ZNF438: variants seen among roughly 807,000 people sequenced by gnomAD.
The protein encoded by ZNF438 is zinc finger protein 438.
Under a neutral mutation model 38.0 loss-of-function variants are expected in ZNF438, and 25 were observed. That is an observed-to-expected ratio of 0.66 (90% confidence interval 0.48 to 0.92). The LOEUF (loss-of-function observed/expected upper bound fraction) is 0.92, where lower values mean the gene tolerates loss of function less well. Ranked by LOEUF, ZNF438 falls within the 40% of genes least tolerant of loss-of-function variation. The pLI is 0.00. For synonymous variants in ZNF438, 372 were observed against 364.1 expected (o/e 1.02, Z -0.25); for missense variants, 1,007 against 999.6 (o/e 1.01, Z -0.10).
chr10:30,889,401 C>T (rs540295714), intron 3 of ZNF438, among the ~76,000 whole-genome samples: 9 of 152,236 alleles, frequency 5.9e-5, no homozygotes, highest in Admixed American at 2.0e-4. Context: ...AAATACTCCC[C>T]TCCCCTCTTC....
At chr10:30,901,603 A>T (rs1456338162) in intron 3 of ZNF438, among the ~76,000 whole-genome samples, 1 of 152,100 alleles carries the variant, frequency 6.6e-6, no homozygotes, top group African/African-American at 2.4e-5. Flanking sequence ...AAGGGGTCTG[A>T]TGGTACTCAC....
At chr10:30,925,448 A>G (rs76541830) in intron 2 of ZNF438, among the ~76,000 whole-genome samples, 12,325 of 152,336 alleles carry the variant, frequency 0.081, 583 homozygotes, top group Non-Finnish European at 0.11. Context: ...AAAAGAATGT[A>G]TAATACAAAG....
chr10:30,852,604 C>T (rs1348832959), intron 4 of ZNF438, among the ~76,000 whole-genome samples: 4 of 152,214 alleles, frequency 2.6e-5, no homozygotes, highest in African/African-American at 9.6e-5. Context: ...AATAAACAAG[C>T]AACCTAGTAG....
rs201504165 is a variant in ZNF438 at position 30,845,038 on chromosome 10, G to C, written c.2410C>G (p.Pro804Ala). 5 of 1,614,122 alleles carry C rather than the reference G, an allele frequency of 3.1e-6. No individual in the cohort carries two copies. In the Admixed American group the frequency reaches 6.7e-5, roughly 22 times the overall value. Reference sequence around the variant, plus strand: ...TTTAAAATAGCCCACAGTTTGGAAGGGTCCTCACAGTTATGCTGGTGCTTC... The same window carrying C: ...TTTAAAATAGCCCACAGTTTGGAAGCGTCCTCACAGTTATGCTGGTGCTTC... The change falls in exon 6 of 6, where the codon CCT becomes GCT. Residue 804 changes from proline (P) to alanine (A), a missense_variant. Transcript: ENST00000413025.
chr10:30,937,255 G>C (rs928537578), intron 2 of ZNF438, among the ~76,000 whole-genome samples: 2 of 152,174 alleles, frequency 1.3e-5, no homozygotes, highest in Admixed American at 6.5e-5. Context: ...CTGTAGTCAG[G>C]AGGCATGCTT....
At chr10:30,869,480 T>A (rs1321477469) in intron 4 of ZNF438, among the ~76,000 whole-genome samples, 1 of 152,194 alleles carries the variant, frequency 6.6e-6, no homozygotes, top group Non-Finnish European at 1.5e-5. Flanking sequence ...TTTTAAACTC[T>A]AATATTTTAT....
intron 1 of ZNF438, among the ~76,000 whole-genome samples, chr10:30,950,507 C>T (rs1225200847): frequency 6.6e-6 from 1 of 150,956 alleles, no homozygotes; most frequent in African/African-American, 2.4e-5. Flanking sequence ...GCTAGCAAGA[C>T]TAATAAAGAA....
intron 1 of ZNF438, among the ~76,000 whole-genome samples, chr10:31,012,398 C>T (rs1388372265): frequency 6.6e-6 from 1 of 152,166 alleles, no homozygotes; most frequent in Non-Finnish European, 1.5e-5. Context: ...GCTGGGATTA[C>T]AGGCATGAGC....
intron 2 of ZNF438, among the ~76,000 whole-genome samples, chr10:30,925,393 A>C (rs2044796059): frequency 6.6e-6 from 1 of 152,234 alleles, no homozygotes; most frequent in African/African-American, 2.4e-5. Context: ...TAACAATACT[A>C]TTTTTTAAAG....
rs528664938 is a variant in ZNF438 at position 30,952,511 on chromosome 10, G to A, written c.-191-10860C>T. ...TTTCGCAACCTACTCATCTGACAAA[G>A]GGCTAATATCCAGAATCTACAATAA... On this transcript the variant is annotated intron_variant, in intron 1 of 5. Coordinates refer to ENST00000413025, the Ensembl canonical transcript of ZNF438. 2.7e-4 allele frequency among the ~76,000 whole-genome samples: 41 copies of A among 150,508 alleles called. No individual in the cohort carries two copies. The East Asian group carries it at 6.4e-3, about 24-fold the overall frequency.
intron 1 of ZNF438, among the ~76,000 whole-genome samples, chr10:30,956,065 T>C (rs1014105549): frequency 2.0e-5 from 3 of 152,236 alleles, no homozygotes; most frequent in African/African-American, 4.8e-5. Flanking sequence ...AAATAAACTA[T>C]TGTACATAGA....
At chr10:30,848,580 G>C (rs2132694215) in exon 5 of ZNF438, 1 of 1,614,156 alleles carries the variant, frequency 6.2e-7, no homozygotes, top group Non-Finnish European at 8.5e-7. Flanking sequence ...CTGTTCTTTG[G>C]TATGTCTCCT....
chr10:30,848,487 C>A, intron 5 of ZNF438, 44 bp downstream of exon 6: 1 of 1,559,424 alleles, frequency 6.4e-7, no homozygotes, highest in South Asian at 1.2e-5. Flanking sequence ...TTCCCCAAAT[C>A]AAAACAGACT....
At chr10:30,992,034 G>C (rs1207765879) in intron 1 of ZNF438, among the ~76,000 whole-genome samples, 1 of 152,202 alleles carries the variant, frequency 6.6e-6, no homozygotes, top group African/African-American at 2.4e-5. Context: ...CTTCGCTCAG[G>C]AGTGACTGGG....
At chr10:30,912,696 T>C (rs186051612) in intron 2 of ZNF438, among the ~76,000 whole-genome samples, 3 of 152,208 alleles carry the variant, frequency 2.0e-5, no homozygotes, top group Admixed American at 1.3e-4. Flanking sequence ...CTGTCTGACA[T>C]TGGACAAGTC....
intron 4 of ZNF438, among the ~76,000 whole-genome samples, chr10:30,862,877 T>A (rs1204816415): frequency 6.6e-6 from 1 of 152,224 alleles, no homozygotes; most frequent in Non-Finnish European, 1.5e-5. Context: ...AAGATATCGC[T>A]TTTATACTAT....
chr10:30,953,293 C>T lies in ZNF438; in HGVS notation c.-191-11642G>A, dbSNP rs566628891. 3.9e-5 allele frequency among the ~76,000 whole-genome samples: 6 copies of T among 151,972 alleles called. No homozygotes were observed. In the South Asian group the frequency reaches 1.0e-3, roughly 26 times the overall value. On this transcript the variant is annotated intron_variant, in intron 1 of 5. Coordinates refer to ENST00000413025, the Ensembl canonical transcript of ZNF438. ...GGGAGGGATAACATTGGGAGATATA[C>T]CTAATGCTAGATGACGAGTTAGTGG...
At chr10:30,864,270 A>G (rs2036063675) in intron 4 of ZNF438, among the ~76,000 whole-genome samples, 1 of 152,216 alleles carries the variant, frequency 6.6e-6, no homozygotes, top group Admixed American at 6.5e-5. Flanking sequence ...TAAAATGTAC[A>G]AAAAGGTGCA....
intron 1 of ZNF438, among the ~76,000 whole-genome samples, chr10:30,966,617 C>A (rs1460387647): frequency 6.8e-6 from 1 of 147,886 alleles, no homozygotes; most frequent in Non-Finnish European, 1.5e-5. Flanking sequence ...TTGCAGTGAG[C>A]TGAGATTGCG....
Sources: allele counts gnomAD v4.1 joint callset (sites outside exome capture counted in the v4.1 genomes callset), GRCh38; gene constraint gnomAD v4.1.1; transcripts MANE v1.5; gene names NCBI Gene and HGNC (gene_info 2026-07-23, HGNC 2026-07-21).